Variants in SNRPN observed in about 807,000 individuals in gnomAD.
SNRPN encodes small nuclear ribonucleoprotein-associated protein N.
Under a neutral mutation model 25.2 loss-of-function variants are expected in SNRPN, and 7 were observed. The observed-to-expected ratio is 0.28, with a 90% CI of 0.16 to 0.52. The LOEUF (loss-of-function observed/expected upper bound fraction) is 0.52. SNRPN is among the 20% of genes least tolerant of loss of function. The pLI is 0.96. For synonymous variants in SNRPN, 124 were observed against 110.6 expected, an observed-to-expected ratio of 1.12 and a Z score of -0.76; for missense variants, 196 against 322.5, an observed-to-expected ratio of 0.61 and a Z score of 3.00.
chr15:24,870,390 A>T (rs2054978369), intron 1 of SNRPN, among the ~76,000 whole-genome samples: 1 of 152,168 alleles, frequency 6.6e-6, no homozygotes, highest in South Asian at 2.1e-4. Flanking sequence ...ATTTCCTCAT[A>T]TGTTCATATA....
chr15:24,888,824 G>T (rs1239068811), intron 2 of SNRPN, among the ~76,000 whole-genome samples: 2 of 152,230 alleles, frequency 1.3e-5, no homozygotes, highest in East Asian at 3.8e-4. Flanking sequence ...GGCTCTTAAA[G>T]TTCTGAGAAG....
intron 1 of SNRPN, among the ~76,000 whole-genome samples, chr15:24,886,324 C>T (rs2057204658): frequency 6.6e-6 from 1 of 152,126 alleles, no homozygotes; most frequent in Non-Finnish European, 1.5e-5. Context: ...CCACTAGTCC[C>T]CACCCTGTTC....
intron 2 of SNRPN, among the ~76,000 whole-genome samples, chr15:24,890,981 G>T (rs1163007430): frequency 6.6e-6 from 1 of 151,994 alleles, no homozygotes; most frequent in Non-Finnish European, 1.5e-5. Flanking sequence ...CATGATCTCA[G>T]CTCACTGCAA....
At chr15:24,846,159 AT>A (rs2052177215) in intron 2 of SNRPN, among the ~76,000 whole-genome samples, 1 of 151,994 alleles carries the variant, frequency 6.6e-6, no homozygotes, top group Middle Eastern at 3.2e-3. Flanking sequence ...ATTTATTTAG[AT>A]TTTTTTGAAT....
intron 3 of SNRPN, among the ~76,000 whole-genome samples, chr15:24,973,328 A>G (rs940046889): frequency 2.0e-5 from 3 of 152,190 alleles, no homozygotes; most frequent in African/African-American, 7.2e-5. Context: ...GTGTAAGTAC[A>G]CTGTTCATAC....
Position 24,958,486 on chromosome 15 carries a change from G to GTTTTT in SNRPN, c.-391+3454_-391+3458dup, listed in dbSNP as rs71127030. Among the ~76,000 whole-genome samples, 190 of 65,284 alleles carry GTTTTT rather than the reference G, an allele frequency of 2.9e-3. 20 individuals are homozygous for GTTTTT. The highest frequency in any genetic ancestry group is 6.0e-3 in the South Asian group (6 of 992). 42.8% of individuals were successfully genotyped at this position (65,284 alleles called of 152,430 possible). A position where few individuals can be genotyped will look rare whatever the true frequency, so the allele number is the denominator to read the frequency against. On this transcript the variant is annotated intron_variant, in intron 1 of 9. Coordinates refer to ENST00000390687, the MANE Select transcript of SNRPN (RefSeq NM_003097.6). ...ATTTCTGGATGCTAGCTGGCTCAAA[G>GTTTTT]TTTTTTTTTTTTTTTTTTTTTTTTT...
At chr15:24,848,231 T>TGGGCGGCGGC (rs2052400259) in intron 2 of SNRPN, 1 of 95,434 alleles carries the variant, frequency 1.0e-5, no homozygotes, top group Non-Finnish European at 2.0e-5. Flanking sequence ...GGGGCGGCGG[T>TGGGCGGCGGC]GGGGGCGGGG....
At chr15:24,870,726 T>G (rs992266865) in intron 1 of SNRPN, among the ~76,000 whole-genome samples, 4 of 151,910 alleles carry the variant, frequency 2.6e-5, no homozygotes, top group East Asian at 3.9e-4. Flanking sequence ...CCAGCTTCCT[T>G]TAGTGAGGTT....
At chr15:24,909,726 G>C (rs978619750) in intron 2 of SNRPN, 6 of 1,249,976 alleles carry the variant, frequency 4.8e-6, no homozygotes, top group Non-Finnish European at 6.9e-6. Flanking sequence ...AAGCGTTTCC[G>C]AGTATCGTAA....
intron 3 of SNRPN, 80 bp downstream of exon 3, chr15:24,968,162 A>G (rs528062460): frequency 1.2e-6 from 1 of 850,934 alleles, no homozygotes; most frequent in Admixed American, 2.0e-5. Context: ...ATTATCAGTG[A>G]CACATTAATT....
intron 2 of SNRPN, among the ~76,000 whole-genome samples, chr15:24,962,775 G>GACCTC (rs1183700023): frequency 6.6e-6 from 1 of 152,054 alleles, no homozygotes; most frequent in Non-Finnish European, 1.5e-5. Context: ...CATTTTAAAT[G>GACCTC]ACCTAATACA....
At chr15:24,968,766 A>G (rs1289150358) in intron 3 of SNRPN, 1 of 152,146 alleles carries the variant, frequency 6.6e-6, no homozygotes, top group Non-Finnish European at 1.5e-5. Context: ...TTCTGTTTTA[A>G]CCAATGTATT....
chr15:24,910,129 G>A (rs1025747948), intron 2 of SNRPN, among the ~76,000 whole-genome samples: 1 of 152,118 alleles, frequency 6.6e-6, no homozygotes, highest in Non-Finnish European at 1.5e-5. Context: ...TTGCTAATGG[G>A]AGCCTGCCCT....
intron 2 of SNRPN, among the ~76,000 whole-genome samples, chr15:24,902,007 C>T (rs907401989): frequency 6.6e-6 from 1 of 152,086 alleles, no homozygotes; most frequent in Non-Finnish European, 1.5e-5. Flanking sequence ...GAAATTGTAA[C>T]GTAAGACAAG....
chr15:24,975,235 G>T, intron 4 of SNRPN, 123 bp from the exon 5 acceptor site: 1 of 723,626 alleles, frequency 1.4e-6, no homozygotes. Context: ...TGAAAAAGGA[G>T]AGAATATTTG....
intron 2 of SNRPN, among the ~76,000 whole-genome samples, chr15:24,899,255 T>C (rs1402248287): frequency 6.6e-6 from 1 of 152,244 alleles, no homozygotes; most frequent in African/African-American, 2.4e-5. Context: ...GTAAATACCA[T>C]CACTATGTTT....
At chr15:24,917,599 G>A (rs1399705238) in intron 2 of SNRPN, among the ~76,000 whole-genome samples, 4 of 152,216 alleles carry the variant, frequency 2.6e-5, no homozygotes, top group Non-Finnish European at 4.4e-5. Context: ...GCGGCCTGGG[G>A]TATTCTGGGA....
At chr15:24,889,888 A>G (rs2150394965) in intron 2 of SNRPN, among the ~76,000 whole-genome samples, 1 of 151,640 alleles carries the variant, frequency 6.6e-6, no homozygotes, top group South Asian at 2.1e-4. Context: ...CTTCTCTACT[A>G]AAAATACAAA....
chr15:24,921,833 G>C (rs11633230), intron 3 of SNRPN, among the ~76,000 whole-genome samples: 1 of 152,028 alleles, frequency 6.6e-6, no homozygotes, highest in East Asian at 1.9e-4. Context: ...GTCACTATCA[G>C]TTGAGTACTT....
Sources: allele counts gnomAD v4.1 joint callset (sites outside exome capture counted in the v4.1 genomes callset), GRCh38; gene constraint gnomAD v4.1.1; transcripts MANE v1.5; gene names NCBI Gene and HGNC (gene_info 2026-07-23, HGNC 2026-07-21).